The following EPHA5 variants were observed in gnomAD, a reference collection of about 807,000 sequenced individuals.
EPHA5 encodes EPH receptor A5, also known as ephrin type-A receptor 5.
In EPHA5, 60 loss-of-function variants were observed where a neutral mutation model predicts 105.0. The ratio of observed to expected loss-of-function variants is 0.57; its 90% confidence interval spans 0.46 to 0.71. EPHA5 has a LOEUF of 0.71. Among genes scored for constraint, EPHA5 ranks in the 30% least tolerant of loss-of-function variants. The probability of loss-of-function intolerance (pLI) is 0.00; values close to 1 mark genes in which losing one functional copy is unlikely to be tolerated. For missense variants in EPHA5, 1,218 were observed against 1,274.7 expected (o/e 0.96, Z 0.68); for synonymous variants, 513 against 449.1 (o/e 1.14, Z -1.80).
At chr4:65,486,741 G>A (rs1730919611) in intron 5 of EPHA5, among the ~76,000 whole-genome samples, 1 of 152,186 alleles carries the variant, frequency 6.6e-6, no homozygotes, top group Non-Finnish European at 1.5e-5. Flanking sequence ...TTTTGCCATG[G>A]TGGCATTAAA....
chr4:65,358,988 A>G lies in EPHA5; in HGVS notation c.2174-5885T>C, dbSNP rs183957924. ...TAATACAGTAATTATGGAGTCAGAA[A>G]TTATAGACTTTTCAGAAGAGATGGA... is the stretch of plus-strand genomic sequence containing the variant. On this transcript the variant is annotated intron_variant, in intron 11 of 16. Coordinates refer to ENST00000613740, the MANE Select transcript of EPHA5 (RefSeq NM_001281766.3). 1.1e-3 allele frequency among the ~76,000 whole-genome samples: 162 copies of G among 151,744 alleles called. 1 individual carries two copies. Among genetic ancestry groups the G allele is most frequent in the African/African-American group, 3.7e-3 (152 of 41,494 alleles).
chr4:65,593,547 TGA>T, intron 3 of EPHA5, among the ~76,000 whole-genome samples: 1 of 152,176 alleles, frequency 6.6e-6, no homozygotes, highest in East Asian at 1.9e-4. Flanking sequence ...GGGGTAAGGC[TGA>T]GATTCTTCCT....
chr4:65,381,697 G>A (rs1356317391), intron 8 of EPHA5, among the ~76,000 whole-genome samples: 1 of 151,798 alleles, frequency 6.6e-6, no homozygotes, highest in East Asian at 1.9e-4. Context: ...AAATTTGTAT[G>A]TTGAAGTCTT....
rs190450312 is a variant in EPHA5 at position 65,410,563 on chromosome 4, C to T, written c.1687+3721G>A. 7.6e-4 allele frequency among the ~76,000 whole-genome samples: 116 copies of T among 152,210 alleles called. 1 individual carries two copies. The highest frequency in any genetic ancestry group is 2.5e-3 in the African/African-American group (105 of 41,548). On this transcript the variant is annotated intron_variant, in intron 7 of 16. Transcript: ENST00000613740. Reference sequence around the variant, plus strand: ...AATGGCGTAGAATCTAATACACATACGTATCCACATACACATTTACAAAGG... The same window carrying T: ...AATGGCGTAGAATCTAATACACATATGTATCCACATACACATTTACAAAGG...
At chr4:65,495,282 T>G (rs1320125611) in intron 4 of EPHA5, 106 bp downstream of exon 4, 1 of 1,197,228 alleles carries the variant, frequency 8.4e-7, no homozygotes, top group African/African-American at 1.5e-5. Flanking sequence ...TTAAACATTA[T>G]GTCTGTTTTA....
At chr4:65,576,043 AAAG>A (rs1187179112) in intron 3 of EPHA5, among the ~76,000 whole-genome samples, 2 of 107,938 alleles carry the variant, frequency 1.9e-5, no homozygotes, top group Non-Finnish European at 3.7e-5. Context: ...AGAAAGAAAG[AAAG>A]AAAGAAAGAA....
intron 8 of EPHA5, among the ~76,000 whole-genome samples, chr4:65,387,899 G>C (rs374631840): frequency 6.7e-6 from 1 of 149,252 alleles, no homozygotes; most frequent in African/African-American, 2.5e-5. Context: ...CATGAGCCAT[G>C]CTGGTGTGCT....
At chr4:65,420,137 T>C (rs1403414064) in intron 6 of EPHA5, among the ~76,000 whole-genome samples, 3 of 152,184 alleles carry the variant, frequency 2.0e-5, no homozygotes, top group African/African-American at 7.2e-5. Context: ...ACTGAAAGTC[T>C]ATAGCTTAAG....
intron 2 of EPHA5, among the ~76,000 whole-genome samples, chr4:65,639,899 C>T (rs115582844): frequency 4.3e-4 from 65 of 152,232 alleles, no homozygotes; most frequent in South Asian, 3.9e-3. Context: ...TACTTTTCAA[C>T]TCCAATTTAT....
intron 1 of EPHA5, among the ~76,000 whole-genome samples, chr4:65,655,771 C>T (rs4441811): frequency 0.25 from 37,232 of 151,848 alleles, 5,265 homozygotes; most frequent in East Asian, 0.57. Flanking sequence ...CCAGACACAG[C>T]ATAATTAACA....
intron 5 of EPHA5, among the ~76,000 whole-genome samples, chr4:65,468,548 T>A (rs1218044661): frequency 9.5e-6 from 1 of 105,538 alleles, no homozygotes; most frequent in Non-Finnish European, 1.8e-5. Context: ...TATATATATA[T>A]AATATATATA....
At chr4:65,382,629 T>G (rs2148933291) in intron 8 of EPHA5, among the ~76,000 whole-genome samples, 1 of 151,942 alleles carries the variant, frequency 6.6e-6, no homozygotes, top group Admixed American at 6.6e-5. Context: ...AGTTCTCTAC[T>G]CATGTGTAAC....
intron 8 of EPHA5, among the ~76,000 whole-genome samples, chr4:65,373,639 T>C (rs576661193): frequency 2.0e-5 from 3 of 152,074 alleles, no homozygotes; most frequent in East Asian, 1.9e-4. Context: ...TATGTCTGAA[T>C]TATGAGATAC....
rs565650227 is a variant in EPHA5 at position 65,320,768 on chromosome 4, T to C, written c.*3346A>G. On this transcript the variant is annotated 3_prime_UTR_variant, in exon 17 of 17. Transcript: ENST00000613740. ...AAACTGTGTCTTCACTTTTTTACAC[T>C]GGTCAAAACTCTTTTACAAACTGAA... 1 of 230,302 alleles carries C rather than the reference T, an allele frequency of 4.3e-6. No homozygotes were observed. Among genetic ancestry groups the C allele is most frequent in the South Asian group, 1.8e-4 (1 of 5,504 alleles). 14.3% of individuals were successfully genotyped at this position (230,302 alleles called of 1,614,324 possible).
intron 2 of EPHA5, among the ~76,000 whole-genome samples, chr4:65,631,585 A>G (rs1052212223): frequency 1.1e-4 from 17 of 152,058 alleles, no homozygotes; most frequent in Non-Finnish European, 4.4e-5. Flanking sequence ...CTCCTTGGCA[A>G]CATCACACAC....
rs781503244 is a variant in EPHA5, at chr4:65,669,662, G to T, written c.81C>A (p.Ser27=). The change falls in exon 1 of 17, where the codon TCC becomes TCA. Residue 27 remains serine (S), a synonymous_variant. Coordinates refer to ENST00000613740, the MANE Select transcript of EPHA5 (RefSeq NM_001281766.3). ...GAGGTGCAGAGTAGCAGCCGGCCAG[G>T]GACGCTGGGGTGATGGGGGTGTCGC... ...GGGDTPITPA[S]LAGCYSAPRR... is the part of the protein sequence containing the mutation. 7.3e-7 allele frequency: 1 copy of T among 1,361,876 alleles called. No homozygotes were observed. The highest frequency in any genetic ancestry group is 9.5e-7 in the Non-Finnish European group (1 of 1,051,992). The allele number at this position is 1,361,876 out of a possible 1,614,324, so 84.4% of individuals were successfully genotyped here.
At chr4:65,350,329 C>T (rs1411103727) in intron 13 of EPHA5, among the ~76,000 whole-genome samples, 1 of 151,726 alleles carries the variant, frequency 6.6e-6, no homozygotes, top group African/African-American at 2.4e-5. Flanking sequence ...CTCCCTTCAA[C>T]AAAGTACAAA....
chr4:65,451,880 A>G (rs913124618), intron 5 of EPHA5, among the ~76,000 whole-genome samples: 1 of 152,200 alleles, frequency 6.6e-6, no homozygotes, highest in Non-Finnish European at 1.5e-5. Flanking sequence ...GACATGGGCT[A>G]TTGAGGTGAC....
intron 3 of EPHA5, among the ~76,000 whole-genome samples, chr4:65,529,491 A>G (rs961155064): frequency 6.6e-6 from 1 of 152,124 alleles, no homozygotes; most frequent in African/African-American, 2.4e-5. Flanking sequence ...AGTTATGTAC[A>G]TCCTTCAGAG....
Sources: gnomAD v4.1 joint callset for allele counts (sites outside exome capture counted in the v4.1 genomes callset) on GRCh38, gnomAD v4.1.1 for gene constraint, MANE v1.5 for transcripts, NCBI Gene and HGNC (gene_info 2026-07-23, HGNC 2026-07-21) for gene names.